The following ST18 variants were observed in gnomAD, a reference collection of about 807,000 sequenced individuals.
ST18 encodes the protein suppression of tumorigenicity 18 protein.
Under a neutral mutation model 110.0 loss-of-function variants are expected in ST18, and 50 were observed. The ratio of observed to expected loss-of-function variants is 0.45; its 90% CI spans 0.36 to 0.58. The LOEUF is 0.58. Ranked by LOEUF, ST18 falls within the 20% of genes least tolerant of loss-of-function variation. The probability of loss-of-function intolerance (pLI) is 0.00; values close to 1 mark genes in which losing one functional copy is unlikely to be tolerated. For missense variants in ST18, 1,306 were observed against 1,280.1 expected (o/e 1.02, Z -0.31); for synonymous variants, 461 against 452.4 (o/e 1.02, Z -0.24).
chr8:52,130,119 A>AAAAGAAAGAAAGAAAGAAAGAACGAAAG (rs2048797495), intron 22 of ST18, among the ~76,000 whole-genome samples: 3 of 105,164 alleles, frequency 2.9e-5, no homozygotes, highest in African/African-American at 1.2e-4. Flanking sequence ...AGAAAGAAAG[A>AAAAGAAAGAAAGAAAGAAAGAACGAAAG]AAAGAAAGAA....
At chr8:52,234,496 C>T (rs1292881549) in intron 2 of ST18, among the ~76,000 whole-genome samples, 1 of 152,120 alleles carries the variant, frequency 6.6e-6, no homozygotes, top group Admixed American at 6.5e-5. Flanking sequence ...AACTCCTGAC[C>T]TCATAATCCA....
intron 2 of ST18, chr8:52,403,627 T>A (rs1590758867): frequency 6.6e-6 from 1 of 152,252 alleles, no homozygotes; most frequent in East Asian, 1.9e-4. Context: ...CCATACTTAG[T>A]GTTTGTGCTC....
At position 52,113,198 on chromosome 8, in the gene ST18, C is replaced by T; in HGVS notation, c.3144G>A (p.Ter1048=). 1 of 1,613,846 alleles carries T rather than the reference C, an allele frequency of 6.2e-7. No homozygotes were observed. Among genetic ancestry groups the T allele is most frequent in the Non-Finnish European group, 8.5e-7 (1 of 1,179,880 alleles). Residue 1048 remains the stop codon, a stop_retained_variant, in exon 26 of 26, where the codon TAG becomes TAA. Coordinates refer to ENST00000689386, the MANE Select transcript of ST18 (RefSeq NM_001352837.2). ...IKQAVKGIHV[*] ...TCTGTTGCCCGGCAGCGCTGTGATC[C>T]TACACATGGATACCCTTCACTGCCT...
chr8:52,142,160 G>T (rs943559050), intron 17 of ST18, among the ~76,000 whole-genome samples: 1 of 152,110 alleles, frequency 6.6e-6, no homozygotes, highest in Non-Finnish European at 1.5e-5. Context: ...CCTGGAGATC[G>T]GTCTGGGAAA....
chr8:52,179,971 A>G (rs1445866921), intron 9 of ST18, 151 bp downstream of exon 9: 1 of 856,550 alleles, frequency 1.2e-6, no homozygotes, highest in Non-Finnish European at 1.8e-6. Flanking sequence ...CAATAAATGA[A>G]TGTCAAGTAA....
At chr8:52,142,159 C>T (rs1347515920) in intron 17 of ST18, among the ~76,000 whole-genome samples, 1 of 152,070 alleles carries the variant, frequency 6.6e-6, no homozygotes, top group East Asian at 1.9e-4. Flanking sequence ...CCCTGGAGAT[C>T]GGTCTGGGAA....
intron 15 of ST18, among the ~76,000 whole-genome samples, chr8:52,152,196 G>A (rs1480288889): frequency 6.6e-6 from 1 of 152,306 alleles, no homozygotes; most frequent in East Asian, 1.9e-4. Context: ...TGAGCGCACA[G>A]ATGCCTTCAA....
chr8:52,358,250 A>C (rs1824075586), intron 2 of ST18, among the ~76,000 whole-genome samples: 1 of 151,934 alleles, frequency 6.6e-6, no homozygotes, highest in Non-Finnish European at 1.5e-5. Context: ...CTACTCAAAA[A>C]GAAAAAGGAT....
At chr8:52,329,786 A>AAAAG (rs1373326726) in intron 2 of ST18, among the ~76,000 whole-genome samples, 5 of 152,146 alleles carry the variant, frequency 3.3e-5, no homozygotes, top group Admixed American at 3.3e-4. Flanking sequence ...ACAAAAAAAG[A>AAAAG]AAAGAAAGAA....
chr8:52,239,975 G>T (rs1418564213), intron 2 of ST18, among the ~76,000 whole-genome samples: 1 of 151,958 alleles, frequency 6.6e-6, no homozygotes, highest in Non-Finnish European at 1.5e-5. Context: ...TGTATATTTT[G>T]TAGAGACAGA....
At chr8:52,234,728 G>GTGT (rs2092332549) in intron 2 of ST18, among the ~76,000 whole-genome samples, 28 of 145,612 alleles carry the variant, frequency 1.9e-4, no homozygotes, top group African/African-American at 6.9e-4. Context: ...AAGAAACTAT[G>GTGT]GTGTGTGTGT....
chr8:52,147,114 T>G (rs982856303), intron 16 of ST18, among the ~76,000 whole-genome samples: 1 of 152,186 alleles, frequency 6.6e-6, no homozygotes, highest in Admixed American at 6.5e-5. Context: ...TCCAAGCCTG[T>G]GTTGTCAGAC....
intron 2 of ST18, among the ~76,000 whole-genome samples, chr8:52,277,044 G>A (rs1422040254): frequency 6.6e-6 from 1 of 152,192 alleles, no homozygotes; most frequent in Non-Finnish European, 1.5e-5. Flanking sequence ...TGGGATTATA[G>A]GCATGAGCCA....
At chr8:52,169,450 C>T (rs1322672133) in intron 10 of ST18, among the ~76,000 whole-genome samples, 1 of 152,102 alleles carries the variant, frequency 6.6e-6, no homozygotes, top group Non-Finnish European at 1.5e-5. Context: ...TCACTAAATG[C>T]TTAGTGGCAA....
intron 2 of ST18, chr8:52,407,491 A>G (rs1844929416): frequency 6.6e-6 from 1 of 152,164 alleles, no homozygotes; most frequent in Non-Finnish European, 1.5e-5. Flanking sequence ...CTGCATAATG[A>G]ATATTTGTGC....
rs916591587 is a variant in ST18, at chr8:52,143,129, C to T, written c.2053-84G>A. ...CAACTAGATTTAAAATCATTGAAGCCAGGTTTGAGTTTTGGCTTTGGACTT... is the reference window on the plus strand; with the variant it reads ...CAACTAGATTTAAAATCATTGAAGCTAGGTTTGAGTTTTGGCTTTGGACTT... On this transcript the variant is annotated intron_variant, in intron 16 of 25. Transcript: ENST00000689386. The T allele has an allele frequency of 6.9e-6, 6 of 875,660 alleles. No homozygotes were observed. In the African/African-American group the frequency reaches 8.4e-5, roughly 12 times the overall value. The allele number at this position is 875,660 out of a possible 1,614,324, so 54.2% of individuals were successfully genotyped here. A position where few individuals can be genotyped will look rare whatever the true frequency, so the allele number is the denominator to read the frequency against.
chr8:52,318,907 A>G (rs1054122359), intron 2 of ST18, among the ~76,000 whole-genome samples: 2 of 148,024 alleles, frequency 1.4e-5, no homozygotes, highest in African/African-American at 5.0e-5. Flanking sequence ...GGACAACAAC[A>G]TACACTGGGG....
chr8:52,387,142 T>A (rs181692536), intron 2 of ST18, among the ~76,000 whole-genome samples: 10 of 152,188 alleles, frequency 6.6e-5, no homozygotes, highest in Admixed American at 3.9e-4. Flanking sequence ...CATCCATCTA[T>A]CCCTCCTTTC....
chr8:52,258,295 C>T (rs1034725676), intron 2 of ST18, among the ~76,000 whole-genome samples: 1 of 152,142 alleles, frequency 6.6e-6, no homozygotes, highest in Non-Finnish European at 1.5e-5. Flanking sequence ...TTAGGATCAA[C>T]TTGTCAGTTT....
Sources: gnomAD v4.1 joint callset for allele counts (sites outside exome capture counted in the v4.1 genomes callset) on GRCh38, gnomAD v4.1.1 for gene constraint, MANE v1.5 for transcripts, NCBI Gene and HGNC (gene_info 2026-07-23, HGNC 2026-07-21) for gene names.